The following PTPN14 variants were observed in gnomAD, a reference collection of about 807,000 sequenced individuals.
PTPN14 encodes the protein tyrosine-protein phosphatase non-receptor type 14.
In PTPN14, 53 loss-of-function variants were observed where a neutral mutation model predicts 126.8. The ratio of observed to expected loss-of-function variants is 0.42; its 90% CI spans 0.34 to 0.53. The LOEUF (loss-of-function observed/expected upper bound fraction) is 0.53. PTPN14 is among the 20% of genes least tolerant of loss of function. The probability of loss-of-function intolerance (pLI) is 0.08; values close to 1 mark genes in which losing one functional copy is unlikely to be tolerated. For synonymous variants in PTPN14, 630 were observed against 599.3 expected, an observed-to-expected ratio of 1.05 and a Z score of -0.75; for missense variants, 1,257 against 1,552.9, an observed-to-expected ratio of 0.81 and a Z score of 3.20.
chr1:214,412,791 A>G (rs1659338175), intron 4 of PTPN14, among the ~76,000 whole-genome samples: 1 of 152,372 alleles, frequency 6.6e-6, no homozygotes, highest in Non-Finnish European at 1.5e-5. Flanking sequence ...GGATCCTCCA[A>G]TATCCAGGAT....
chr1:214,370,842 G>C (rs1658202182), intron 16 of PTPN14, among the ~76,000 whole-genome samples: 1 of 152,182 alleles, frequency 6.6e-6, no homozygotes, highest in Non-Finnish European at 1.5e-5. Context: ...AGCTGCAGTG[G>C]TGACAGGCTC....
intron 1 of PTPN14, among the ~76,000 whole-genome samples, chr1:214,518,544 A>G (rs1655165977): frequency 6.6e-6 from 1 of 152,220 alleles, no homozygotes; most frequent in South Asian, 2.1e-4. Context: ...AAAACAGTAG[A>G]TAATGACCAA....
chr1:214,430,860 T>C (rs1659781832), intron 3 of PTPN14, among the ~76,000 whole-genome samples: 1 of 152,240 alleles, frequency 6.6e-6, no homozygotes, highest in South Asian at 2.1e-4. Flanking sequence ...AATATTTTTA[T>C]GTGACCATCT....
At chr1:214,463,778 A>G (rs1660565161) in intron 2 of PTPN14, among the ~76,000 whole-genome samples, 1 of 152,176 alleles carries the variant, frequency 6.6e-6, no homozygotes, top group African/African-American at 2.4e-5. Context: ...CCTTGCCCTC[A>G]GGAATGTCTC....
chr1:214,526,024 G>A (rs1412541147), intron 1 of PTPN14, among the ~76,000 whole-genome samples: 1 of 150,642 alleles, frequency 6.6e-6, no homozygotes, highest in Non-Finnish European at 1.5e-5. Context: ...GGAGTGCAGT[G>A]GCATGATTTC....
chr1:214,399,754 T>C (rs916117201), intron 7 of PTPN14, among the ~76,000 whole-genome samples: 3 of 152,224 alleles, frequency 2.0e-5, no homozygotes, highest in African/African-American at 7.2e-5. Context: ...ATATTGGACA[T>C]CCTGGACAGG....
Position 214,353,193 on chromosome 1 carries a change from GA to G in PTPN14, c.*4728del, listed in dbSNP as rs1268954665. On this transcript the variant is annotated 3_prime_UTR_variant, in exon 19 of 19. Transcript: ENST00000366956. The stretch of plus-strand genomic sequence containing the variant: ...AAGGGGGCAATCAAGGACCCTCTGA[GA>G]ATACCAGAATCCATGGATGTTCAAG... The G allele has an allele frequency of 6.6e-6, 1 of 151,986 alleles. No homozygotes were observed. The highest frequency in any genetic ancestry group is 2.4e-5 in the African/African-American group (1 of 41,354). 9.4% of individuals were successfully genotyped at this position (151,986 alleles called of 1,614,324 possible).
At chr1:214,366,883 C>G (rs975707309) in intron 17 of PTPN14, among the ~76,000 whole-genome samples, 1 of 151,156 alleles carries the variant, frequency 6.6e-6, no homozygotes, top group Non-Finnish European at 1.5e-5. Flanking sequence ...CTCGGAGAGG[C>G]TGAGGCAGGA....
chr1:214,495,572 G>C (rs192757428), intron 1 of PTPN14, among the ~76,000 whole-genome samples: 1 of 152,300 alleles, frequency 6.6e-6, no homozygotes, highest in East Asian at 1.9e-4. Context: ...CACTCCAGGA[G>C]AAAAGGTACT....
rs57357032 is a variant in PTPN14, at chr1:214,395,588, A to AACACACACACACACACACACAC, written c.759-624_759-603dup. 2.1e-4 allele frequency among the ~76,000 whole-genome samples: 28 copies of AACACACACACACACACACACAC among 132,544 alleles called. No individual in the cohort carries two copies. The East Asian group carries it at 2.3e-3, about 11-fold the overall frequency. 87.0% of individuals were successfully genotyped at this position (132,544 alleles called of 152,430 possible). On this transcript the variant is annotated intron_variant, in intron 8 of 18. Transcript: ENST00000366956. ...ATGTGCCTACACTTTGGGACCCAAC[A>AACACACACACACACACACACAC]ACACACACACACACACACACACACA...
intron 11 of PTPN14, among the ~76,000 whole-genome samples, chr1:214,387,646 C>G (rs1658652901): frequency 6.7e-6 from 1 of 150,358 alleles, no homozygotes; most frequent in East Asian, 2.0e-4. Context: ...CTACCGCACT[C>G]CAGCCTGGCG....
chr1:214,396,742 G>A (rs7530350), intron 8 of PTPN14, among the ~76,000 whole-genome samples: 124,367 of 152,210 alleles, frequency 0.82, 51,464 homozygotes, highest in African/African-American at 0.95. Context: ...TTTCACTTCA[G>A]TAGCTGGTGT....
intron 3 of PTPN14, among the ~76,000 whole-genome samples, chr1:214,448,299 C>T (rs1660190522): frequency 6.6e-6 from 1 of 152,112 alleles, no homozygotes; most frequent in Non-Finnish European, 1.5e-5. Context: ...GGCGCGATCT[C>T]GGCTCACTGC....
chr1:214,425,611 A>G (rs17788590), intron 3 of PTPN14, among the ~76,000 whole-genome samples: 11,393 of 152,292 alleles, frequency 0.075, 462 homozygotes, highest in South Asian at 0.13. Flanking sequence ...AAGACAGTCA[A>G]TTACATACTG....
intron 1 of PTPN14, among the ~76,000 whole-genome samples, chr1:214,548,855 T>G (rs1317660693): frequency 1.3e-5 from 2 of 152,226 alleles, no homozygotes; most frequent in African/African-American, 2.4e-5. Flanking sequence ...AAAGCCTAAC[T>G]GTCCTTTCTA....
rs148457056 is a variant in PTPN14, at chr1:214,491,165, T to C, written c.-154-26208A>G. Among the ~76,000 whole-genome samples, 239 of 152,246 alleles carry C rather than the reference T, an allele frequency of 1.6e-3. 1 individual carries two copies. Among genetic ancestry groups the C allele is most frequent in the African/African-American group, 5.6e-3 (231 of 41,544 alleles). On this transcript the variant is annotated intron_variant, in intron 1 of 18. Transcript: ENST00000366956. The stretch of plus-strand genomic sequence containing the variant: ...TTTTTAAATTATATTTTCTTTAATA[T>C]GATTTTTAAATCCATAGATGATAGT...
In PTPN14 at chr1:214,414,615, T is replaced by C. The variant is rs1384390819; in HGVS notation, c.442+14A>G. The C allele has an allele frequency of 2.5e-6, 4 of 1,603,492 alleles. No individual in the cohort carries two copies. The highest frequency in any genetic ancestry group is 3.4e-6 in the Non-Finnish European group (4 of 1,170,508). ...AAAATGGAATTTCACATGCTGCTCA[T>C]AACTATGTCTTACCTTGCACAGCTA... On this transcript the variant is annotated intron_variant, in intron 4 of 18. Transcript: ENST00000366956.
intron 14 of PTPN14, among the ~76,000 whole-genome samples, chr1:214,377,534 TA>T (rs1254786173): frequency 6.6e-6 from 1 of 152,026 alleles, no homozygotes; most frequent in African/African-American, 2.4e-5. Context: ...AATAAAAGTT[TA>T]AAAAAATTAA....
At chr1:214,533,694 G>A (rs569112521) in intron 1 of PTPN14, among the ~76,000 whole-genome samples, 10 of 151,890 alleles carry the variant, frequency 6.6e-5, no homozygotes, top group Admixed American at 6.6e-4. Context: ...AAAATTAGCC[G>A]GGCGTGGTGG....
Sources: gnomAD v4.1 joint callset for allele counts (sites outside exome capture counted in the v4.1 genomes callset) on GRCh38, gnomAD v4.1.1 for gene constraint, MANE v1.5 for transcripts, NCBI Gene and HGNC (gene_info 2026-07-23, HGNC 2026-07-21) for gene names.